The following HK1 variants were observed in gnomAD, a reference collection of about 807,000 sequenced individuals.
HK1 encodes the protein hexokinase-1.
In HK1, 28 loss-of-function variants were observed where a neutral mutation model predicts 91.6. The ratio of observed to expected loss-of-function variants is 0.31; its 90% CI spans 0.23 to 0.42. The LOEUF (loss-of-function observed/expected upper bound fraction) is 0.42. HK1 is among the 10% of genes least tolerant of loss of function. HK1 has a pLI of 1.00. For synonymous variants in HK1, 430 were observed against 468.1 expected (o/e 0.92, Z 1.05); for missense variants, 770 against 1,219.8 (o/e 0.63, Z 5.49).
intron 5 of HK1, among the ~76,000 whole-genome samples, chr10:69,307,503 T>C (rs1461731425): frequency 3.3e-5 from 5 of 152,086 alleles, no homozygotes; most frequent in Non-Finnish European, 4.4e-5. Context: ...ATAAGGACAA[T>C]ATAGTAAAAT....
At position 69,299,356 on chromosome 10, in the gene HK1, G is replaced by GTTT. The variant is rs869272971; in HGVS notation, c.-66-1410_-66-1408dup. 9.9e-4 allele frequency among the ~76,000 whole-genome samples: 131 copies of GTTT among 132,096 alleles called. No individual in the cohort carries two copies. The South Asian group carries it at 0.016, about 17-fold the overall frequency. The allele number at this position is 132,096 out of a possible 152,430, so 86.7% of individuals were successfully genotyped here. A position where few individuals can be genotyped will look rare whatever the true frequency, so the allele number is the denominator to read the frequency against. ...CCATTTTTTTGTTTGTTTGTTTGTG[G>GTTT]TTTTTGTTTGTTTGTTTGTTTGTTT... On this transcript the variant is annotated intron_variant, in intron 4 of 21. Coordinates refer to the HK1 transcript ENST00000360289.
At chr10:69,363,144 G>A (rs893514443) in intron 3 of HK1, among the ~76,000 whole-genome samples, 8 of 152,216 alleles carry the variant, frequency 5.3e-5, no homozygotes, top group African/African-American at 1.9e-4. Context: ...TCCTAAGACA[G>A]CCTTCTTCTG....
chr10:69,358,926 T>G (rs1056979557), intron 2 of HK1, among the ~76,000 whole-genome samples: 2 of 150,754 alleles, frequency 1.3e-5, no homozygotes, highest in African/African-American at 2.4e-5. Flanking sequence ...TACCTGCCTA[T>G]AGTCCCAGTT....
At chr10:69,386,179 T>C in intron 12 of HK1, 144 bp from the exon 13 acceptor site, 1 of 702,958 alleles carries the variant, frequency 1.4e-6, no homozygotes, top group Non-Finnish European at 2.6e-6. Flanking sequence ...TCATATTTTA[T>C]TGGTTTGTCC....
chr10:69,361,880 C>T (rs1233773715), intron 3 of HK1, among the ~76,000 whole-genome samples: 1 of 151,978 alleles, frequency 6.6e-6, no homozygotes, highest in Non-Finnish European at 1.5e-5. Flanking sequence ...TGCAGTGGCG[C>T]GATCTCAGCT....
At chr10:69,387,841 A>C (rs1839715063) in intron 13 of HK1, among the ~76,000 whole-genome samples, 1 of 151,758 alleles carries the variant, frequency 6.6e-6, no homozygotes, top group African/African-American at 2.4e-5. Context: ...TAACTCATTA[A>C]TTAATGAGGG....
chr10:69,299,637 T>C lies in HK1; in HGVS notation c.-66-1132T>C. On this transcript the variant is annotated intron_variant, in intron 4 of 21. Coordinates refer to the HK1 transcript ENST00000360289. ...GCTCGGCCTCCCAAAGTGCTGAGAT[T>C]ACAGGCGTGAGCCACCGCGCCCAGC... is the stretch of plus-strand genomic sequence containing the variant. Among the ~76,000 whole-genome samples the C allele has an allele frequency of 1.3e-5, 2 of 151,406 alleles. 1 individual carries two copies. Among genetic ancestry groups the C allele is most frequent in the African/African-American group, 4.9e-5 (2 of 40,840 alleles).
intron 2 of HK1, among the ~76,000 whole-genome samples, chr10:69,354,772 C>T (rs142601130): frequency 3.3e-5 from 5 of 152,200 alleles, no homozygotes; most frequent in African/African-American, 7.2e-5. Context: ...AACTTGAGAA[C>T]GAAGATAGGA....
rs562592249 is a variant in HK1, at chr10:69,335,148, C to T, written c.64-8679C>T. Among the ~76,000 whole-genome samples the T allele has an allele frequency of 1.4e-4, 22 of 152,322 alleles. 1 individual carries two copies. The South Asian group carries it at 4.6e-3, about 32-fold the overall frequency. Reference sequence around the variant, plus strand: ...CCGGCTGCCGAGAGCAGGACAGAAACTAGGTTCCCGGCTGCCACCCACACT... The same window carrying T: ...CCGGCTGCCGAGAGCAGGACAGAAATTAGGTTCCCGGCTGCCACCCACACT... On this transcript the variant is annotated intron_variant, in intron 1 of 17. Transcript: ENST00000359426.
upstream of HK1, among the ~76,000 whole-genome samples, chr10:69,316,211 G>A (rs564073300): frequency 6.6e-6 from 1 of 152,288 alleles, no homozygotes; most frequent in East Asian, 1.9e-4. Context: ...AGATAAGTGG[G>A]AAAGAGTGGA....
chr10:69,329,774 A>G (rs1464717191), intron 1 of HK1, among the ~76,000 whole-genome samples: 1 of 151,956 alleles, frequency 6.6e-6, no homozygotes, highest in Non-Finnish European at 1.5e-5. Flanking sequence ...TTGGCTTGGG[A>G]TCCTCCAGGT....
In HK1 at chr10:69,394,965, C is replaced by CAGTG; in HGVS notation, c.2236_2239dup (p.Gly747GlufsTer7). 6.2e-7 allele frequency: 1 copy of CAGTG among 1,614,126 alleles called. No homozygotes were observed. The highest frequency in any genetic ancestry group is 8.5e-7 in the Non-Finnish European group (1 of 1,180,016). On this transcript the variant is annotated frameshift_variant, in exon 16 of 18. Transcript: ENST00000359426. LOFTEE classifies it high-confidence loss of function. ...CCTGTCTCAGGTATGAGAAGATGAT[C>CAGTG]AGTGGTATGTACCTGGGTGAAATCG...
intron 2 of HK1, among the ~76,000 whole-genome samples, chr10:69,353,981 G>A (rs954443494): frequency 1.3e-5 from 2 of 152,204 alleles, no homozygotes; most frequent in Non-Finnish European, 2.9e-5. Flanking sequence ...TTGGAGGGAG[G>A]GCAGCCTCGT....
intron 1 of HK1, among the ~76,000 whole-genome samples, chr10:69,322,466 C>T (rs890894989): frequency 2.0e-5 from 3 of 152,108 alleles, no homozygotes; most frequent in Non-Finnish European, 4.4e-5. Context: ...GTCCAATGGC[C>T]GAACTCAGGA....
chr10:69,319,124 C>A (rs1231623765), intron 1 of HK1, 114 bp downstream of exon 1: 2 of 1,227,584 alleles, frequency 1.6e-6, no homozygotes, highest in Non-Finnish European at 2.3e-6. Flanking sequence ...GGGCCAGCAT[C>A]GAGTTGGACT....
In HK1 at chr10:69,295,775, G is replaced by C. The variant is rs1845534669; in HGVS notation, c.-67+95G>C. The C allele has an allele frequency of 7.0e-6, 6 of 857,398 alleles. No homozygotes were observed. In the East Asian group the frequency reaches 1.5e-4, roughly 22 times the overall value. 53.1% of individuals were successfully genotyped at this position (857,398 alleles called of 1,614,324 possible). ...CCTTTGGGATAATGATTTTCAGCCA[G>C]CCAAGCAGCTGTGCAGTGGCTTCTC... On this transcript the variant is annotated intron_variant, in intron 4 of 21. Transcript: ENST00000360289.
chr10:69,384,346 C>G lies in HK1; in HGVS notation c.1584C>G (p.Phe528Leu). The change falls in exon 11 of 18, where the codon TTC becomes TTG. Residue 528 changes from phenylalanine to leucine, a missense_variant. By Grantham distance (22) the Phe-to-Leu change is conservative. Coordinates refer to ENST00000359426, the MANE Select transcript of HK1 (RefSeq NM_000188.3). The part of the protein sequence containing the change: ...RTPDGTENGD[F>L]LALDLGGTNF... ...TGACTGCAACAGAGAATGGTGACTT[C>G]TTGGCCCTGGATCTTGGAGGAACCA... The G allele has an allele frequency of 6.2e-7, 1 of 1,614,256 alleles. No homozygotes were observed.
upstream of HK1, among the ~76,000 whole-genome samples, chr10:69,310,914 G>C (rs1016383657): frequency 3.3e-5 from 5 of 152,128 alleles, no homozygotes; most frequent in African/African-American, 4.8e-5. Flanking sequence ...AAATTTAGCT[G>C]GGCATAGTGG....
At chr10:69,392,548 CTG>C (rs1184275820) in intron 15 of HK1, among the ~76,000 whole-genome samples, 3 of 152,190 alleles carry the variant, frequency 2.0e-5, no homozygotes, top group Non-Finnish European at 2.9e-5. Context: ...CTGCCTGTGA[CTG>C]TTTTTTAGCC....
Sources: gnomAD v4.1 joint callset for allele counts (sites outside exome capture counted in the v4.1 genomes callset) on GRCh38, gnomAD v4.1.1 for gene constraint, MANE v1.5 for transcripts, NCBI Gene and HGNC (gene_info 2026-07-23, HGNC 2026-07-21) for gene names.